HCRTR2: variants seen among roughly 807,000 people sequenced by gnomAD.
HCRTR2 encodes the protein orexin receptor type 2.
Under a neutral mutation model 49.0 loss-of-function variants are expected in HCRTR2, and 22 were observed. That is an observed-to-expected ratio of 0.45 (90% confidence interval 0.32 to 0.64). HCRTR2 has a LOEUF of 0.64. Among genes scored for constraint, HCRTR2 ranks in the 30% least tolerant of loss-of-function variants. The pLI, the probability that HCRTR2 is intolerant of heterozygous loss-of-function variation, is 0.04. For missense variants in HCRTR2, 491 were observed against 559.4 expected (o/e 0.88, Z 1.23); for synonymous variants, 236 against 205.3 (o/e 1.15, Z -1.28).
intron 1 of HCRTR2, among the ~76,000 whole-genome samples, chr6:55,108,025 A>T (rs931966952): frequency 1.2e-4 from 19 of 152,314 alleles, no homozygotes; most frequent in Non-Finnish European, 2.5e-4. Flanking sequence ...AAAGAAAAAA[A>T]TTGATACATG....
At chr6:55,126,830 C>T (rs1476437269) in intron 1 of HCRTR2, among the ~76,000 whole-genome samples, 1 of 152,174 alleles carries the variant, frequency 6.6e-6, no homozygotes, top group Non-Finnish European at 1.5e-5. Context: ...TGGGCTCCAG[C>T]CAGTTTGGTC....
At chr6:55,268,639 T>C (rs1766908926) in intron 4 of HCRTR2, among the ~76,000 whole-genome samples, 1 of 152,136 alleles carries the variant, frequency 6.6e-6, no homozygotes, top group Non-Finnish European at 1.5e-5. Flanking sequence ...ATAATGATGA[T>C]GGAGTTGATC....
upstream of HCRTR2, among the ~76,000 whole-genome samples, chr6:55,169,547 T>G (rs1378999216): frequency 6.6e-6 from 1 of 151,792 alleles, no homozygotes; most frequent in Non-Finnish European, 1.5e-5. Flanking sequence ...CTAGACCCCC[T>G]GTGATTTGAG....
intron 1 of HCRTR2, among the ~76,000 whole-genome samples, chr6:55,213,755 C>T (rs1000284048): frequency 2.0e-5 from 3 of 152,098 alleles, no homozygotes; most frequent in Non-Finnish European, 2.9e-5. Context: ...AAAGGACTAG[C>T]TTCCGTCATG....
At chr6:55,145,572 G>A (rs1459746535) in intron 1 of HCRTR2, among the ~76,000 whole-genome samples, 1 of 151,894 alleles carries the variant, frequency 6.6e-6, no homozygotes, top group Non-Finnish European at 1.5e-5. Context: ...CACCGTGCCT[G>A]GCTAATTTTT....
intron 1 of HCRTR2, among the ~76,000 whole-genome samples, chr6:55,205,870 T>C (rs1234515027): frequency 6.6e-6 from 1 of 152,108 alleles, no homozygotes. Flanking sequence ...GCTATTATAG[T>C]TTCCCTAGCT....
chr6:55,146,254 A>G (rs1489748555), intron 1 of HCRTR2, among the ~76,000 whole-genome samples: 2 of 152,326 alleles, frequency 1.3e-5, no homozygotes, highest in Non-Finnish European at 2.9e-5. Flanking sequence ...AATATACAGT[A>G]TAAGACATCT....
At chr6:55,222,299 A>G (rs558445826) in intron 1 of HCRTR2, among the ~76,000 whole-genome samples, 1 of 136,544 alleles carries the variant, frequency 7.3e-6, no homozygotes, top group South Asian at 2.3e-4. Context: ...CAAAAGAAAG[A>G]GAATTAAAAA....
intron 1 of HCRTR2, among the ~76,000 whole-genome samples, chr6:55,114,293 T>C (rs541326493): frequency 2.0e-4 from 1 of 5,096 alleles, no homozygotes; most frequent in South Asian, 0.025. Context: ...AAATATATCA[T>C]TCAAATTAAA....
At chr6:55,267,201 G>A (rs1766875645) in intron 4 of HCRTR2, among the ~76,000 whole-genome samples, 1 of 152,134 alleles carries the variant, frequency 6.6e-6, no homozygotes, top group African/African-American at 2.4e-5. Context: ...GCTACATCAA[G>A]TGAGCCATCA....
At chr6:55,275,122 C>A (rs568789290) in intron 4 of HCRTR2, among the ~76,000 whole-genome samples, 1 of 152,260 alleles carries the variant, frequency 6.6e-6, no homozygotes, top group East Asian at 1.9e-4. Context: ...ATAACTTTAT[C>A]CTGGTCACAA....
intron 1 of HCRTR2, among the ~76,000 whole-genome samples, chr6:55,138,214 T>C (rs1310803581): frequency 1.4e-5 from 2 of 140,146 alleles, no homozygotes; most frequent in Non-Finnish European, 3.0e-5. Flanking sequence ...GAATAGTTAA[T>C]TTTTTTTTGT....
intron 4 of HCRTR2, among the ~76,000 whole-genome samples, chr6:55,269,164 A>G (rs1323333440): frequency 1.3e-5 from 2 of 152,014 alleles, no homozygotes; most frequent in Non-Finnish European, 2.9e-5. Flanking sequence ...TAAACAAACT[A>G]TGAAACCACT....
chr6:55,239,106 G>A (rs1766270536), intron 1 of HCRTR2, among the ~76,000 whole-genome samples: 1 of 152,156 alleles, frequency 6.6e-6, no homozygotes, highest in Admixed American at 6.5e-5. Context: ...CCAAAAGGTT[G>A]TCATTTCCTC....
At chr6:55,280,572 C>G in intron 6 of HCRTR2, 128 bp downstream of exon 6, 1 of 1,267,460 alleles carries the variant, frequency 7.9e-7, no homozygotes. Context: ...CCTGATTTAT[C>G]TTGAGTTTCT....
intron 1 of HCRTR2, among the ~76,000 whole-genome samples, chr6:55,204,810 G>C (rs1765573388): frequency 6.6e-6 from 1 of 150,654 alleles, no homozygotes; most frequent in Non-Finnish European, 1.5e-5. Context: ...TTTGGAGATA[G>C]GGTCTTGCTC....
intron 1 of HCRTR2, 50 bp from the exon 2 acceptor site, chr6:55,248,589 A>G: frequency 7.1e-7 from 1 of 1,407,424 alleles, no homozygotes; most frequent in Non-Finnish European, 1.0e-6. Flanking sequence ...TTTCCTCACC[A>G]ATACCTATTT....
intron 4 of HCRTR2, among the ~76,000 whole-genome samples, chr6:55,269,087 CA>C (rs1158724252): frequency 0.093 from 5,160 of 55,706 alleles, 189 homozygotes; most frequent in African/African-American, 0.24. Flanking sequence ...GACTCCGTCT[CA>C]AAAAAAAAAA....
intron 2 of HCRTR2, among the ~76,000 whole-genome samples, chr6:55,250,694 G>A (rs1000216416): frequency 1.3e-5 from 2 of 152,140 alleles, no homozygotes; most frequent in Non-Finnish European, 2.9e-5. Flanking sequence ...GTGATGCAGA[G>A]CATGGGTATC....
Sources: gnomAD v4.1 joint callset for allele counts (sites outside exome capture counted in the v4.1 genomes callset) on GRCh38, gnomAD v4.1.1 for gene constraint, MANE v1.5 for transcripts, NCBI Gene and HGNC (gene_info 2026-07-23, HGNC 2026-07-21) for gene names.